Variants in LCORL observed in about 807,000 individuals in gnomAD.
LCORL encodes the protein ligand dependent nuclear receptor corepressor like, also known as ligand-dependent nuclear receptor corepressor-like protein.
A neutral mutation model predicts 141.8 loss-of-function variants in LCORL; 41 were observed. The observed-to-expected ratio is 0.29, with a 90% CI of 0.23 to 0.38. The LOEUF is 0.38. Among genes scored for constraint, LCORL ranks in the 10% least tolerant of loss-of-function variants. The pLI, the probability that LCORL is intolerant of heterozygous loss-of-function variation, is 1.00. For synonymous variants in LCORL, 618 were observed against 694.1 expected, an observed-to-expected ratio of 0.89 and a Z score of 1.72; for missense variants, 1,759 against 2,035.0, an observed-to-expected ratio of 0.86 and a Z score of 2.61.
chr4:17,906,686 G>GT (rs558442294), intron 5 of LCORL, among the ~76,000 whole-genome samples: 13 of 140,108 alleles, frequency 9.3e-5, no homozygotes, highest in African/African-American at 3.3e-4. Flanking sequence ...CTTTTAAAAT[G>GT]CCTTTTTTTT....
At chr4:17,995,573 T>TA (rs1720786462) in intron 1 of LCORL, among the ~76,000 whole-genome samples, 1 of 152,178 alleles carries the variant, frequency 6.6e-6, no homozygotes, top group African/African-American at 2.4e-5. Context: ...CCCTAATTTA[T>TA]ACTTATGCAA....
At chr4:17,945,966 A>C (rs1203740798) in intron 4 of LCORL, among the ~76,000 whole-genome samples, 2 of 152,038 alleles carry the variant, frequency 1.3e-5, no homozygotes, top group Admixed American at 1.3e-4. Context: ...TTAAAAAGAA[A>C]TAAGAAATAG....
intron 4 of LCORL, among the ~76,000 whole-genome samples, chr4:17,920,327 G>A (rs549834170): frequency 7.2e-5 from 11 of 152,294 alleles, no homozygotes; most frequent in East Asian, 3.9e-4. Context: ...AGGAAAAAAC[G>A]CAGACATTGA....
chr4:17,882,626 T>G (rs560482430), intron 6 of LCORL: 126 of 984,312 alleles, frequency 1.3e-4, no homozygotes, highest in Middle Eastern at 5.2e-4. Flanking sequence ...CAAATTTGGT[T>G]ATTAGCAAAA....
At chr4:17,863,055 C>T (rs1725186938) in intron 7 of LCORL, among the ~76,000 whole-genome samples, 1 of 152,178 alleles carries the variant, frequency 6.6e-6, no homozygotes, top group Non-Finnish European at 1.5e-5. Flanking sequence ...GTGGCTCACA[C>T]CTGTAATCCC....
At chr4:17,948,802 A>AACAATTTTCAGAGGAGTAAAGAG (rs1240201323) in intron 4 of LCORL, among the ~76,000 whole-genome samples, 6 of 152,196 alleles carry the variant, frequency 3.9e-5, no homozygotes, top group South Asian at 2.1e-4. Flanking sequence ...GAAAATGGGA[A>AACAATTTTCAGAGGAGTAAAGAG]ACAATTTTCA....
At chr4:17,988,507 CT>C (rs1560447933) in intron 1 of LCORL, among the ~76,000 whole-genome samples, 1 of 152,174 alleles carries the variant, frequency 6.6e-6, no homozygotes, top group African/African-American at 2.4e-5. Context: ...TCTTTTTAGA[CT>C]TTCCATTCAT....
intron 7 of LCORL, among the ~76,000 whole-genome samples, chr4:17,853,675 T>G (rs1387242345): frequency 2.0e-5 from 3 of 152,180 alleles, no homozygotes; most frequent in Admixed American, 2.0e-4. Flanking sequence ...CAGCTTACTT[T>G]CTTCTGGAAT....
exon 7 of LCORL, chr4:17,876,407 T>C: frequency 3.2e-6 from 4 of 1,230,890 alleles, no homozygotes; most frequent in Non-Finnish European, 4.1e-6. Context: ...TCTTGGATGC[T>C]TTATATCCTT....
exon 4 of LCORL, chr4:17,961,913 A>G (rs770109145): frequency 6.2e-7 from 1 of 1,608,624 alleles, no homozygotes; most frequent in Admixed American, 1.7e-5. Flanking sequence ...CTTTCTTTCG[A>G]AAGAGTGCAT....
chr4:17,877,347 G>T (rs2109188351), exon 7 of LCORL: 1 of 1,230,204 alleles, frequency 8.1e-7, no homozygotes, highest in African/African-American at 1.6e-5. Flanking sequence ...TACAAGGCTT[G>T]TCATATCCGT....
chr4:17,858,680 A>G (rs1429723523), intron 7 of LCORL, among the ~76,000 whole-genome samples: 1 of 151,938 alleles, frequency 6.6e-6, no homozygotes, highest in Admixed American at 6.6e-5. Context: ...GTGAGCCAAG[A>G]TCGCGCCATT....
At chr4:17,952,565 G>A (rs1277992838) in intron 4 of LCORL, among the ~76,000 whole-genome samples, 1 of 151,868 alleles carries the variant, frequency 6.6e-6, no homozygotes, top group African/African-American at 2.4e-5. Flanking sequence ...ACAGGCAGCC[G>A]CCACCACGCC....
intron 7 of LCORL, among the ~76,000 whole-genome samples, chr4:17,854,611 A>T (rs1164297473): frequency 1.3e-5 from 2 of 152,284 alleles, no homozygotes; most frequent in East Asian, 3.9e-4. Flanking sequence ...AAGGGTGACC[A>T]TGAGGTCTAA....
chr4:18,021,176 G>C lies in LCORL; in HGVS notation c.154+422C>G, dbSNP rs913025142. ...GTGCGCTCGGCGGGGGCGCGGACCA[G>C]CCCGCCTTCCTCCGGCCGCCCTGCC... On this transcript the variant is annotated intron_variant, in intron 1 of 7. Transcript: ENST00000635767. This position sits in a 1 kb window ranked among gnomAD's most constrained non-coding sequence, Gnocchi z 5.5. Among the ~76,000 whole-genome samples, 2 of 151,960 alleles carry C rather than the reference G, an allele frequency of 1.3e-5. No individual in the cohort carries two copies. Among genetic ancestry groups the C allele is most frequent in the Non-Finnish European group, 2.9e-5 (2 of 67,952 alleles).
intron 1 of LCORL, among the ~76,000 whole-genome samples, chr4:18,007,748 G>A (rs1052195655): frequency 1.3e-5 from 2 of 152,154 alleles, no homozygotes; most frequent in African/African-American, 4.8e-5. Context: ...ATGGGTCTGA[G>A]GAATGAGTAG....
At chr4:17,850,793 A>G (rs1427910413) in intron 7 of LCORL, among the ~76,000 whole-genome samples, 1 of 151,898 alleles carries the variant, frequency 6.6e-6, no homozygotes, top group Non-Finnish European at 1.5e-5. Flanking sequence ...TACCCAAAGG[A>G]TTATAAATCA....
chr4:17,927,866 G>A (rs1264347790), intron 4 of LCORL, among the ~76,000 whole-genome samples: 1 of 152,182 alleles, frequency 6.6e-6, no homozygotes, highest in East Asian at 1.9e-4. Context: ...AAGCGAGCAC[G>A]TTATAAGGAA....
exon 8 of LCORL, chr4:17,844,366 C>CTGTT (rs1236900333): frequency 1.3e-5 from 2 of 152,456 alleles, no homozygotes; most frequent in Admixed American, 6.6e-5. Context: ...TAACATGGAT[C>CTGTT]TGTTTGTTTT....
Sources: allele counts gnomAD v4.1 joint callset (sites outside exome capture counted in the v4.1 genomes callset), GRCh38; gene constraint gnomAD v4.1.1; non-coding constraint Gnocchi (gnomAD v3.1); transcripts MANE v1.5; gene names NCBI Gene and HGNC (gene_info 2026-07-23, HGNC 2026-07-21).